RSRP1: variants seen among roughly 807,000 people sequenced by gnomAD.
RSRP1 encodes arginine/serine-rich protein 1.
RSRP1 carries 37 observed loss-of-function variants against 33.0 expected under a neutral mutation model. The ratio of observed to expected loss-of-function variants is 1.12; its 90% CI spans 0.86 to 1.48. The LOEUF (loss-of-function observed/expected upper bound fraction) is 1.48. RSRP1 is among the 40% of genes most tolerant of loss of function. RSRP1 has a pLI of 0.00. For synonymous variants in RSRP1, 167 were observed against 158.7 expected (o/e 1.05, Z -0.40); for missense variants, 402 against 385.3 (o/e 1.04, Z -0.36).
In RSRP1 at chr1:25,245,209, G is replaced by A; in HGVS notation, c.613C>T (p.Pro205Ser). 6.2e-7 allele frequency: 1 copy of A among 1,614,018 alleles called. No individual in the cohort carries two copies. Among genetic ancestry groups the A allele is most frequent in the Non-Finnish European group, 8.5e-7 (1 of 1,180,006 alleles). ...CCACGGCTTGTTTCTTTGGCTGAAG[G>A]AACAGTTCTGAGACTAGCTGGCAAG... The part of the protein sequence containing the change: ...IDLPASLRTV[P>S]SAKETSRGIG... Residue 205 changes from proline to serine, a missense_variant, in exon 3 of 5, where the codon CCT becomes TCT. Coordinates refer to ENST00000243189, the MANE Select transcript of RSRP1 (RefSeq NM_020317.5).
At chr1:25,299,630 C>T (rs1255529321) in intron 1 of RSRP1, among the ~76,000 whole-genome samples, 1 of 129,468 alleles carries the variant, frequency 7.7e-6, no homozygotes, top group Admixed American at 7.5e-5. Flanking sequence ...AGGTGACGCC[C>T]GAGAGGTCAG....
At chr1:25,244,340 C>CAAAT (rs1639166972) in intron 3 of RSRP1, 1 of 1,287,906 alleles carries the variant, frequency 7.8e-7, no homozygotes, top group Non-Finnish European at 1.0e-6. Context: ...GCAAATAGTG[C>CAAAT]CTGTCCCAAA....
chr1:25,336,357 A>C (rs913802780), intron 1 of RSRP1: 1 of 12,386 alleles, frequency 8.1e-5, no homozygotes, highest in Non-Finnish European at 9.6e-4. Context: ...TTAGTCCAGT[A>C]ATTGTAACAA....
rs1641323404 is a variant in RSRP1 at position 25,279,890 on chromosome 1, C to T, written c.-66-32861G>A. ...CCCTGAACACCTTAGAGCCCATCAG[C>T]TTATCAAACCAGCAGCTGATGTGAG... On this transcript the variant is annotated intron_variant, in intron 1 of 1. Coordinates refer to the RSRP1 transcript ENST00000561867. Among the ~76,000 whole-genome samples the T allele has an allele frequency of 3.1e-5, 4 of 129,442 alleles. 2 individuals carry two copies. Among genetic ancestry groups the T allele is most frequent in the Non-Finnish European group, 7.2e-5 (4 of 55,354 alleles). 84.9% of individuals were successfully genotyped at this position (129,442 alleles called of 152,430 possible).
intron 1 of RSRP1, among the ~76,000 whole-genome samples, chr1:25,289,823 A>AT (rs71014347): frequency 0.22 from 25,894 of 115,850 alleles, 6,928 homozygotes; most frequent in Admixed American, 0.3. Context: ...TCATAAGTAC[A>AT]TTTTTTTTTT....
At chr1:25,301,277 G>C (rs527648960) in intron 1 of RSRP1, among the ~76,000 whole-genome samples, 1 of 131,394 alleles carries the variant, frequency 7.6e-6, no homozygotes, top group East Asian at 2.0e-4. Context: ...GCACTTCACA[G>C]AGCAGGTTCA....
chr1:25,266,442 G>C (rs1640313126), intron 1 of RSRP1, among the ~76,000 whole-genome samples: 1 of 129,058 alleles, frequency 7.7e-6, no homozygotes, highest in East Asian at 1.9e-4. Flanking sequence ...GCCTGCACTA[G>C]ATTCCTCCAC....
chr1:25,244,248 G>A (rs1321462430), intron 3 of RSRP1: 10 of 1,289,178 alleles, frequency 7.8e-6, no homozygotes, highest in Non-Finnish European at 6.1e-6. Flanking sequence ...CATATATTAT[G>A]AAAGGGACAT....
At chr1:25,331,641 C>T (rs1291591515) in intron 1 of RSRP1, among the ~76,000 whole-genome samples, 4 of 113,188 alleles carry the variant, frequency 3.5e-5, no homozygotes, top group Admixed American at 9.1e-5. Context: ...AATCTCGGCT[C>T]ACTGAAACCT....
At chr1:25,295,637 C>T (rs1642870043) in intron 1 of RSRP1, among the ~76,000 whole-genome samples, 1 of 104,942 alleles carries the variant, frequency 9.5e-6, no homozygotes, top group African/African-American at 3.2e-5. Flanking sequence ...GTCAAGGAGC[C>T]GAGAGGGAAG....
intron 1 of RSRP1, among the ~76,000 whole-genome samples, chr1:25,291,568 A>T (rs1296794064): frequency 7.5e-6 from 1 of 132,994 alleles, no homozygotes; most frequent in Admixed American, 7.3e-5. Flanking sequence ...TTTAAACACA[A>T]CAAACCAATG....
At chr1:25,256,373 C>T (rs556019684) in intron 1 of RSRP1, among the ~76,000 whole-genome samples, 42 of 152,320 alleles carry the variant, frequency 2.8e-4, no homozygotes, top group Non-Finnish European at 4.7e-4. Context: ...TGTTCTCACA[C>T]TCCTGGCCTC....
intron 1 of RSRP1, among the ~76,000 whole-genome samples, chr1:25,332,331 C>A (rs1645029744): frequency 7.6e-6 from 1 of 131,530 alleles, no homozygotes; most frequent in Admixed American, 7.4e-5. Context: ...GCCACTGTGC[C>A]TGGCCAAAAA....
chr1:25,276,593 A>G (rs1260844461), intron 1 of RSRP1, among the ~76,000 whole-genome samples: 2 of 123,946 alleles, frequency 1.6e-5, no homozygotes, highest in Non-Finnish European at 3.7e-5. Context: ...ACATGCCTAT[A>G]GTCCCAGCTA....
At position 25,268,653 on chromosome 1, in the gene RSRP1, T is replaced by C. The variant is rs1204057565; in HGVS notation, c.-66-21624A>G. On this transcript the variant is annotated intron_variant, in intron 1 of 1. Transcript: ENST00000561867. The stretch of plus-strand genomic sequence containing the variant: ...GGGGAGTTGATGCTGTCCTTTTAAA[T>C]AGGGCAGTCAGAGGCCGGGCACAGT... 4.6e-5 allele frequency among the ~76,000 whole-genome samples: 6 copies of C among 130,488 alleles called. 1 individual carries two copies. Among genetic ancestry groups the C allele is most frequent in the African/African-American group, 1.6e-4 (6 of 38,330 alleles). 85.6% of individuals were successfully genotyped at this position (130,488 alleles called of 152,430 possible). A position where few individuals can be genotyped will look rare whatever the true frequency, so the allele number is the denominator to read the frequency against.
chr1:25,314,583 T>C (rs1644337400), intron 1 of RSRP1, among the ~76,000 whole-genome samples: 1 of 132,870 alleles, frequency 7.5e-6, no homozygotes, highest in African/African-American at 2.6e-5. Flanking sequence ...AACCTCTGCC[T>C]CCCAGCTTCA....
At chr1:25,293,504 G>C (rs1557531821) in intron 1 of RSRP1, among the ~76,000 whole-genome samples, 1 of 131,664 alleles carries the variant, frequency 7.6e-6, no homozygotes, top group East Asian at 1.9e-4. Flanking sequence ...GAATACATTT[G>C]AGAATTAAAT....
intron 1 of RSRP1, among the ~76,000 whole-genome samples, chr1:25,296,302 G>A (rs149241431): frequency 0.044 from 5,564 of 125,218 alleles, 84 homozygotes; most frequent in African/African-American, 0.14. Context: ...GCTGGAGTGC[G>A]GTGGTGTGAT....
At chr1:25,269,131 T>C (rs1052034522) in intron 1 of RSRP1, among the ~76,000 whole-genome samples, 2 of 132,022 alleles carry the variant, frequency 1.5e-5, no homozygotes, top group South Asian at 4.6e-4. Context: ...ATTTAATACA[T>C]CTAACCTACG....
Sources: allele counts gnomAD v4.1 joint callset (sites outside exome capture counted in the v4.1 genomes callset), GRCh38; gene constraint gnomAD v4.1.1; transcripts MANE v1.5; gene names NCBI Gene and HGNC (gene_info 2026-07-23, HGNC 2026-07-21).